The following TLN2 variants were observed in gnomAD, a reference collection of about 807,000 sequenced individuals.
TLN2 encodes the protein talin 2.
TLN2 carries 118 observed loss-of-function variants against 294.7 expected under a neutral mutation model. That is an observed-to-expected ratio of 0.40 (90% CI 0.34 to 0.47). The LOEUF (loss-of-function observed/expected upper bound fraction) is 0.47. Ranked by LOEUF, TLN2 falls within the 20% of genes least tolerant of loss-of-function variation. The pLI is 0.84. For missense variants in TLN2, 3,083 were observed against 3,282.2 expected, an observed-to-expected ratio of 0.94 and a Z score of 1.48; for synonymous variants, 1,431 against 1,304.5, an observed-to-expected ratio of 1.10 and a Z score of -2.09.
chr15:62,473,830 A>G (rs1408089270), intron 1 of TLN2, among the ~76,000 whole-genome samples: 2 of 152,216 alleles, frequency 1.3e-5, no homozygotes, highest in Non-Finnish European at 2.9e-5. Context: ...ATGGTGGCTC[A>G]CGCCTGTAAT....
intron 4 of TLN2, among the ~76,000 whole-genome samples, chr15:62,649,422 A>G (rs1382234976): frequency 6.6e-6 from 1 of 152,144 alleles, no homozygotes; most frequent in Non-Finnish European, 1.5e-5. Flanking sequence ...CTCAGAAGAA[A>G]GAGAGAAATT....
At chr15:62,424,685 C>T (rs1431404966) in intron 1 of TLN2, among the ~76,000 whole-genome samples, 1 of 152,072 alleles carries the variant, frequency 6.6e-6, no homozygotes, top group East Asian at 1.9e-4. Flanking sequence ...TAGAGTCTTT[C>T]TCTGTCACCC....
At chr15:62,742,338 C>CT (rs1208984595) in intron 32 of TLN2, among the ~76,000 whole-genome samples, 2 of 151,970 alleles carry the variant, frequency 1.3e-5, no homozygotes, top group Non-Finnish European at 2.9e-5. Context: ...TTGATCGTTG[C>CT]TTTTTTTCCT....
At position 62,753,914 on chromosome 15, in the gene TLN2, CA is replaced by C; in HGVS notation, c.4475del (p.Gln1492ArgfsTer31). ...GGTGGACCCTGGCAGCAGCCCATCA[CA>C]GGTAACTGTTGGGGAGGATGTAAGA... ...NLVDPGSSPS[Q>X]VLSAATIVAK... On this transcript the variant is annotated frameshift_variant and splice_region_variant, in exon 36 of 59. Coordinates refer to ENST00000636159, the MANE Select transcript of TLN2 (RefSeq NM_015059.3). LOFTEE classifies it high-confidence loss of function. 1 of 1,601,118 alleles carries C rather than the reference CA, an allele frequency of 6.2e-7. No homozygotes were observed. The highest frequency in any genetic ancestry group is 8.5e-7 in the Non-Finnish European group (1 of 1,173,572).
At chr15:62,816,818 C>A (rs905335465) in intron 52 of TLN2, among the ~76,000 whole-genome samples, 1 of 152,182 alleles carries the variant, frequency 6.6e-6, no homozygotes, top group African/African-American at 2.4e-5. Flanking sequence ...TGAGCCATAA[C>A]TATTAATAAC....
chr15:62,507,875 C>T (rs1316921721), intron 1 of TLN2, among the ~76,000 whole-genome samples: 9 of 152,120 alleles, frequency 5.9e-5, no homozygotes, highest in Non-Finnish European at 8.8e-5. Context: ...TCCCACATTC[C>T]GTACCTGAGA....
intron 3 of TLN2, among the ~76,000 whole-genome samples, chr15:62,640,779 C>G (rs531456617): frequency 1.3e-5 from 2 of 152,216 alleles, no homozygotes; most frequent in East Asian, 3.9e-4. Context: ...AACACAGGAA[C>G]TATGTTTATT....
chr15:62,708,393 A>G (rs2059204192), intron 20 of TLN2, 109 bp from the exon 21 acceptor site: 3 of 1,163,176 alleles, frequency 2.6e-6, no homozygotes, highest in East Asian at 2.4e-5. Flanking sequence ...TCCTGTAAGT[A>G]AGAAACCGAG....
chr15:62,829,903 G>C (rs1048392213), intron 54 of TLN2: 1 of 152,168 alleles, frequency 6.6e-6, no homozygotes, highest in African/African-American at 2.4e-5. Context: ...TTGTCTTTCT[G>C]TGCCTGGCTT....
chr15:62,790,089 T>G (rs117130745), intron 45 of TLN2, among the ~76,000 whole-genome samples: 1 of 152,220 alleles, frequency 6.6e-6, no homozygotes, highest in Non-Finnish European at 1.5e-5. Flanking sequence ...TCCTTTGCTT[T>G]CTTTATGCAT....
intron 39 of TLN2, 22 bp from the exon 40 acceptor site, chr15:62,763,541 C>A (rs1419231221): frequency 6.3e-7 from 1 of 1,587,202 alleles, no homozygotes; most frequent in South Asian, 1.1e-5. Flanking sequence ...AGCCTGTGTC[C>A]AACTTGCACT....
intron 1 of TLN2, among the ~76,000 whole-genome samples, chr15:62,440,910 A>G (rs1018049382): frequency 3.5e-4 from 54 of 152,224 alleles, no homozygotes; most frequent in African/African-American, 1.2e-3. Context: ...GAAGCAGTCT[A>G]TAAAACAGGC....
intron 1 of TLN2, among the ~76,000 whole-genome samples, chr15:62,493,795 G>C (rs766767832): frequency 6.6e-6 from 1 of 152,084 alleles, no homozygotes; most frequent in Non-Finnish European, 1.5e-5. Flanking sequence ...ATTTTTGGTA[G>C]AGACACGGTT....
At chr15:62,688,563 T>C (rs1254278267) in intron 12 of TLN2, among the ~76,000 whole-genome samples, 1 of 152,130 alleles carries the variant, frequency 6.6e-6, no homozygotes, top group Non-Finnish European at 1.5e-5. Flanking sequence ...TGAATATCTT[T>C]GTTAATTTTC....
At position 62,805,584 on chromosome 15, in the gene TLN2, T is replaced by G; in HGVS notation, c.6478-16T>G. The stretch of plus-strand genomic sequence containing the variant: ...TCCTTTTTGATTTTTTTAACCTCTC[T>G]GTTTCTGACTTCCAGGTGTTCCAGT... On this transcript the variant is annotated splice_polypyrimidine_tract_variant and intron_variant, in intron 50 of 58. Transcript: ENST00000636159. The G allele has an allele frequency of 6.3e-7, 1 of 1,582,246 alleles. No individual in the cohort carries two copies. Among genetic ancestry groups the G allele is most frequent in the Non-Finnish European group, 8.6e-7 (1 of 1,159,170 alleles).
chr15:62,813,989 T>G (rs1195603759), intron 52 of TLN2, among the ~76,000 whole-genome samples: 1 of 152,144 alleles, frequency 6.6e-6, no homozygotes, highest in Non-Finnish European at 1.5e-5. Context: ...TAATTTTGTC[T>G]TTTTTGTAGA....
intron 54 of TLN2, chr15:62,829,139 AC>A (rs2068504776): frequency 7.6e-6 from 1 of 130,888 alleles, no homozygotes; most frequent in Admixed American, 9.0e-5. Context: ...TTTTGAGGGT[AC>A]ATAGTAGGTA....
intron 24 of TLN2, among the ~76,000 whole-genome samples, 189 bp downstream of exon 24, chr15:62,717,878 A>C (rs2059885920): frequency 6.6e-6 from 1 of 152,208 alleles, no homozygotes; most frequent in African/African-American, 2.4e-5. Context: ...GTGTTTGGAA[A>C]GTGTGATTTT....
intron 3 of TLN2, chr15:62,644,411 C>A: frequency 2.3e-6 from 1 of 440,744 alleles, no homozygotes; most frequent in Non-Finnish European, 4.6e-6. Flanking sequence ...TGCTCTCCCT[C>A]ACTCCCTAGG....
Sources: gnomAD v4.1 joint callset for allele counts (sites outside exome capture counted in the v4.1 genomes callset) on GRCh38, gnomAD v4.1.1 for gene constraint, MANE v1.5 for transcripts, NCBI Gene and HGNC (gene_info 2026-07-23, HGNC 2026-07-21) for gene names.